Variants in ARHGAP42 observed in about 807,000 individuals in gnomAD.
ARHGAP42 encodes rho GTPase-activating protein 42.
Under a neutral mutation model 125.0 loss-of-function variants are expected in ARHGAP42, and 63 were observed. The ratio of observed to expected loss-of-function variants is 0.50; its 90% CI spans 0.41 to 0.62. The LOEUF (loss-of-function observed/expected upper bound fraction) is 0.62. Among genes scored for constraint, ARHGAP42 ranks in the 20% least tolerant of loss-of-function variants. The probability of loss-of-function intolerance (pLI) is 0.00; values close to 1 mark genes in which losing one functional copy is unlikely to be tolerated. For synonymous variants in ARHGAP42, 339 were observed against 351.0 expected, an observed-to-expected ratio of 0.97 and a Z score of 0.38; for missense variants, 766 against 1,024.2, an observed-to-expected ratio of 0.75 and a Z score of 3.44.
chr11:100,976,482 C>T (rs1415013279), intron 20 of ARHGAP42, 45 bp downstream of exon 20: 2 of 1,479,304 alleles, frequency 1.4e-6, no homozygotes, highest in Non-Finnish European at 1.8e-6. Context: ...GTCTCAGTGT[C>T]ACTTGTGCTG....
intron 1 of ARHGAP42, among the ~76,000 whole-genome samples, chr11:100,730,731 A>AT (rs201965974): frequency 0.026 from 3,912 of 152,270 alleles, 67 homozygotes; most frequent in Non-Finnish European, 0.031. Context: ...TTCTTAGGTG[A>AT]TTTTGTCATT....
At chr11:100,801,857 A>T (rs1162660226) in intron 3 of ARHGAP42, among the ~76,000 whole-genome samples, 1 of 152,262 alleles carries the variant, frequency 6.6e-6, no homozygotes, top group African/African-American at 2.4e-5. Context: ...GCACAAATAT[A>T]AGAAATAATC....
chr11:100,904,938 G>A (rs1866679739), intron 4 of ARHGAP42, among the ~76,000 whole-genome samples: 1 of 152,080 alleles, frequency 6.6e-6, no homozygotes, highest in Admixed American at 6.6e-5. Flanking sequence ...TCCCAGTCTT[G>A]GTCAGCACTG....
intron 3 of ARHGAP42, among the ~76,000 whole-genome samples, chr11:100,828,344 C>T (rs780739393): frequency 5.5e-4 from 83 of 152,144 alleles, no homozygotes; most frequent in Non-Finnish European, 8.8e-4. Context: ...TTCAAGCCCT[C>T]AGAGCTGATC....
chr11:100,824,234 T>C (rs1468713469), intron 3 of ARHGAP42, among the ~76,000 whole-genome samples: 5 of 152,170 alleles, frequency 3.3e-5, no homozygotes, highest in Non-Finnish European at 7.3e-5. Flanking sequence ...TAGTATTCAA[T>C]AGCTTGGTGG....
intron 3 of ARHGAP42, among the ~76,000 whole-genome samples, chr11:100,854,136 G>C (rs995974194): frequency 2.0e-5 from 3 of 152,102 alleles, no homozygotes; most frequent in Admixed American, 6.6e-5. Context: ...GTCATGGTTA[G>C]GCCAATTAAT....
chr11:100,986,068 A>C (rs1176425424), intron 22 of ARHGAP42: 1 of 456,556 alleles, frequency 2.2e-6, no homozygotes, highest in Non-Finnish European at 4.4e-6. Context: ...TCACTCATTC[A>C]TTTAGCTAAC....
At chr11:100,843,881 A>G (rs1865000105) in intron 3 of ARHGAP42, among the ~76,000 whole-genome samples, 1 of 152,166 alleles carries the variant, frequency 6.6e-6, no homozygotes, top group South Asian at 2.1e-4. Context: ...GCCAAAAGCA[A>G]TCTACAAATT....
Position 100,904,332 on chromosome 11 carries a change from T to C in ARHGAP42, c.385-9120T>C, listed in dbSNP as rs180790011. ...GATCTCTGCTCACTGCAACCTCCTC[T>C]GCCTCTCAGATTCAAGCGATTCTCC... On this transcript the variant is annotated intron_variant, in intron 4 of 23. Coordinates refer to ENST00000298815, the MANE Select transcript of ARHGAP42 (RefSeq NM_152432.4). Among the ~76,000 whole-genome samples, 503 of 151,724 alleles carry C rather than the reference T, an allele frequency of 3.3e-3. 6 individuals carry two copies. Among genetic ancestry groups the C allele is most frequent in the Admixed American group, 5.9e-3 (89 of 15,206 alleles).
chr11:100,930,693 A>T (rs111589200), intron 6 of ARHGAP42, among the ~76,000 whole-genome samples: 2 of 152,304 alleles, frequency 1.3e-5, no homozygotes, highest in African/African-American at 4.8e-5. Flanking sequence ...ATTTTTTAGA[A>T]CATGATTAAG....
chr11:100,724,081 C>A (rs1051151505), intron 1 of ARHGAP42, among the ~76,000 whole-genome samples: 2 of 152,056 alleles, frequency 1.3e-5, no homozygotes, highest in African/African-American at 4.8e-5. Flanking sequence ...TTGATATGAT[C>A]TTAAGATTTT....
At chr11:100,898,699 A>C (rs932829523) in intron 4 of ARHGAP42, among the ~76,000 whole-genome samples, 3 of 151,950 alleles carry the variant, frequency 2.0e-5, no homozygotes, top group African/African-American at 7.3e-5. Context: ...CCTCTTTATC[A>C]TTTTTTATTG....
chr11:100,700,435 C>T (rs1266895638), intron 1 of ARHGAP42, among the ~76,000 whole-genome samples: 1 of 152,172 alleles, frequency 6.6e-6, no homozygotes, highest in African/African-American at 2.4e-5. Flanking sequence ...TTCTCTATAC[C>T]ATGAAATGCT....
intron 3 of ARHGAP42, among the ~76,000 whole-genome samples, chr11:100,798,398 G>A (rs970041958): frequency 3.3e-5 from 5 of 152,110 alleles, no homozygotes; most frequent in Non-Finnish European, 7.3e-5. Context: ...CAGCCACTCC[G>A]GCCTTCAGCA....
intron 1 of ARHGAP42, among the ~76,000 whole-genome samples, chr11:100,756,498 G>A (rs531254709): frequency 1.3e-5 from 2 of 152,252 alleles, no homozygotes; most frequent in South Asian, 4.1e-4. Flanking sequence ...TTGTGGAACC[G>A]ATGATAAGAA....
chr11:100,709,667 T>G (rs1861529427), intron 1 of ARHGAP42, among the ~76,000 whole-genome samples: 1 of 152,248 alleles, frequency 6.6e-6, no homozygotes, highest in East Asian at 1.9e-4. Flanking sequence ...TTCTCGCTTC[T>G]GCATATTTTT....
At chr11:100,746,752 A>T (rs76126284) in intron 1 of ARHGAP42, among the ~76,000 whole-genome samples, 2 of 152,308 alleles carry the variant, frequency 1.3e-5, no homozygotes, top group Non-Finnish European at 2.9e-5. Context: ...TCTGCTCCTA[A>T]ACCATAGAAG....
intron 16 of ARHGAP42, among the ~76,000 whole-genome samples, 194 bp downstream of exon 16, chr11:100,962,661 G>A (rs1341968445): frequency 6.6e-6 from 1 of 152,098 alleles, no homozygotes; most frequent in Non-Finnish European, 1.5e-5. Context: ...CGGATCACCT[G>A]AGGTCGGGAG....
chr11:100,742,296 G>A (rs1366449230), intron 1 of ARHGAP42, among the ~76,000 whole-genome samples: 1 of 152,162 alleles, frequency 6.6e-6, no homozygotes. Flanking sequence ...TCCTTGGAAA[G>A]TTTGAAATAG....
Sources: gnomAD v4.1 joint callset for allele counts (sites outside exome capture counted in the v4.1 genomes callset) on GRCh38, gnomAD v4.1.1 for gene constraint, MANE v1.5 for transcripts, NCBI Gene and HGNC (gene_info 2026-07-23, HGNC 2026-07-21) for gene names.